PTCHD4: variants seen among roughly 807,000 people sequenced by gnomAD.
PTCHD4 encodes patched domain containing 4.
In PTCHD4, 33 loss-of-function variants were observed where a neutral mutation model predicts 58.1. That is an observed-to-expected ratio of 0.57 (90% CI 0.43 to 0.76). PTCHD4 has a LOEUF of 0.76. PTCHD4 is among the 30% of genes least tolerant of loss of function. PTCHD4 has a pLI of 0.00. For synonymous variants in PTCHD4, 478 were observed against 409.6 expected, an observed-to-expected ratio of 1.17 and a Z score of -2.02; for missense variants, 1,058 against 1,027.1, an observed-to-expected ratio of 1.03 and a Z score of -0.41.
intron 4 of PTCHD4, among the ~76,000 whole-genome samples, chr6:47,994,393 G>A (rs1581988185): frequency 6.6e-6 from 1 of 152,116 alleles, no homozygotes; most frequent in East Asian, 1.9e-4. Flanking sequence ...TATTGTCCTA[G>A]GCCCTCTACT....
chr6:47,859,156 G>A lies in PTCHD4; in HGVS notation c.*19147C>T, dbSNP rs1223420144. On this transcript the variant is annotated 3_prime_UTR_variant, in exon 5 of 5. Transcript: ENST00000339488. ...ACAATTCCAGCTGAAAATGGCTTGG[G>A]GCAGTATCTTTTACTTCTTTAAGCC... Among the ~76,000 whole-genome samples, 1 of 151,976 alleles carries A rather than the reference G, an allele frequency of 6.6e-6. No homozygotes were observed. The highest frequency in any genetic ancestry group is 1.5e-5 in the Non-Finnish European group (1 of 67,962).
intron 1 of PTCHD4, among the ~76,000 whole-genome samples, chr6:48,100,372 C>T (rs1023214713): frequency 1.3e-5 from 2 of 152,102 alleles, no homozygotes; most frequent in African/African-American, 2.4e-5. Context: ...AATGTGATGT[C>T]GTCCCTTGCA....
intron 4 of PTCHD4, among the ~76,000 whole-genome samples, chr6:47,971,213 A>G (rs1561984434): frequency 1.3e-5 from 2 of 152,164 alleles, no homozygotes; most frequent in Non-Finnish European, 2.9e-5. Context: ...TAAAAACTAT[A>G]ATTGACAGCT....
chr6:47,976,968 A>T (rs1767715413), intron 4 of PTCHD4, among the ~76,000 whole-genome samples: 1 of 152,160 alleles, frequency 6.6e-6, no homozygotes, highest in Admixed American at 6.5e-5. Context: ...ATAAAGTAAC[A>T]TAACTTTATC....
At position 47,860,204 on chromosome 6, in the gene PTCHD4, T is replaced by C. The variant is rs1276264922; in HGVS notation, c.*18099A>G. Among the ~76,000 whole-genome samples, 2 of 152,040 alleles carry C rather than the reference T, an allele frequency of 1.3e-5. No individual in the cohort carries two copies. Among genetic ancestry groups the C allele is most frequent in the African/African-American group, 4.8e-5 (2 of 41,444 alleles). ...CTTTATTGTGAGTGACTATTTCTTC[T>C]GTCAGCATCTTTAAAGAGATTGCAA... On this transcript the variant is annotated 3_prime_UTR_variant, in exon 5 of 5. Transcript: ENST00000339488.
At chr6:47,902,953 G>A (rs771764981) in intron 4 of PTCHD4, among the ~76,000 whole-genome samples, 1 of 152,194 alleles carries the variant, frequency 6.6e-6, no homozygotes, top group Non-Finnish European at 1.5e-5. Context: ...GGTCTGGTTA[G>A]CACAGATAAT....
At position 47,862,707 on chromosome 6, in the gene PTCHD4, T is replaced by C. The variant is rs1220219628; in HGVS notation, c.*15596A>G. On this transcript the variant is annotated 3_prime_UTR_variant, in exon 5 of 5. Transcript: ENST00000339488. ...TTTCTTCTATTAGGTTATAAATTAC[T>C]CAAATAGCTAGAAATCAGCAATATT... is the stretch of plus-strand genomic sequence containing the variant. Among the ~76,000 whole-genome samples the C allele has an allele frequency of 6.6e-6, 1 of 151,862 alleles. No homozygotes were observed. The highest frequency in any genetic ancestry group is 1.5e-5 in the Non-Finnish European group (1 of 67,848).
intron 4 of PTCHD4, among the ~76,000 whole-genome samples, chr6:47,947,853 T>C (rs1489940732): frequency 1.3e-5 from 2 of 152,214 alleles, no homozygotes; most frequent in Non-Finnish European, 2.9e-5. Flanking sequence ...TTTTCCAATA[T>C]TATGTTTCCG....
chr6:47,903,467 C>T (rs1046345261), intron 4 of PTCHD4, among the ~76,000 whole-genome samples: 1 of 152,084 alleles, frequency 6.6e-6, no homozygotes, highest in Non-Finnish European at 1.5e-5. Flanking sequence ...TAGGCATGCA[C>T]AACCATGCCA....
At chr6:47,972,386 A>C (rs1767546782) in intron 4 of PTCHD4, among the ~76,000 whole-genome samples, 1 of 152,170 alleles carries the variant, frequency 6.6e-6, no homozygotes, top group Non-Finnish European at 1.5e-5. Flanking sequence ...ACGGAGCTAT[A>C]AAAAAGTATA....
At chr6:47,883,654 T>C (rs1561938475) in intron 4 of PTCHD4, among the ~76,000 whole-genome samples, 1 of 152,168 alleles carries the variant, frequency 6.6e-6, no homozygotes, top group East Asian at 1.9e-4. Context: ...ATTTGTTTAA[T>C]CCAGGGTTTC....
At chr6:48,020,675 C>T (rs894014680) in intron 3 of PTCHD4, among the ~76,000 whole-genome samples, 1 of 151,918 alleles carries the variant, frequency 6.6e-6, no homozygotes, top group Non-Finnish European at 1.5e-5. Flanking sequence ...AGACAAAGCA[C>T]ATAAATAAAA....
chr6:48,096,395 T>G (rs1216427758), intron 1 of PTCHD4, among the ~76,000 whole-genome samples: 1 of 152,086 alleles, frequency 6.6e-6, no homozygotes, highest in Non-Finnish European at 1.5e-5. Flanking sequence ...GCAGATAACC[T>G]GAGGTCAGGA....
At chr6:47,897,629 T>C (rs1005957165) in intron 4 of PTCHD4, among the ~76,000 whole-genome samples, 3 of 152,216 alleles carry the variant, frequency 2.0e-5, no homozygotes, top group African/African-American at 7.2e-5. Context: ...TGGAGATTCC[T>C]ACATTGGCTT....
At chr6:47,997,855 A>G (rs551590086) in intron 4 of PTCHD4, among the ~76,000 whole-genome samples, 1 of 152,332 alleles carries the variant, frequency 6.6e-6, no homozygotes, top group African/African-American at 2.4e-5. Context: ...TCAAATAAAC[A>G]TAGAATGTAT....
At chr6:47,943,183 T>C (rs377437785) in intron 4 of PTCHD4, among the ~76,000 whole-genome samples, 211 of 152,322 alleles carry the variant, frequency 1.4e-3, no homozygotes, top group African/African-American at 4.8e-3. Flanking sequence ...TTTGAAATTC[T>C]TATAAATGTA....
chr6:48,088,210 G>A (rs1477988828), intron 1 of PTCHD4, among the ~76,000 whole-genome samples: 3 of 152,064 alleles, frequency 2.0e-5, no homozygotes, highest in Non-Finnish European at 4.4e-5. Context: ...TTTTTTAGAG[G>A]TCTCATTTGA....
At chr6:48,036,189 A>T (rs1208789240) in intron 3 of PTCHD4, among the ~76,000 whole-genome samples, 1 of 152,084 alleles carries the variant, frequency 6.6e-6, no homozygotes, top group Non-Finnish European at 1.5e-5. Flanking sequence ...ATGTGTGTAT[A>T]AGCAGAGAGA....
At chr6:47,901,860 T>A (rs1295241257) in intron 4 of PTCHD4, 1 of 1,302,136 alleles carries the variant, frequency 7.7e-7, no homozygotes, top group East Asian at 5.5e-5. Flanking sequence ...CTCCAGTTTT[T>A]TCTCTCCTTC....
Sources: allele counts gnomAD v4.1 joint callset (sites outside exome capture counted in the v4.1 genomes callset), GRCh38; gene constraint gnomAD v4.1.1; transcripts MANE v1.5; gene names NCBI Gene and HGNC (gene_info 2026-07-23, HGNC 2026-07-21).